Variants in XPOT observed in about 807,000 individuals in gnomAD.
XPOT encodes the protein exportin-T.
In XPOT, 34 loss-of-function variants were observed where a neutral mutation model predicts 128.2. That is an observed-to-expected ratio of 0.27 (90% CI 0.20 to 0.35). The LOEUF is 0.35. Among genes scored for constraint, XPOT ranks in the 10% least tolerant of loss-of-function variants. The probability of loss-of-function intolerance (pLI) is 1.00; values close to 1 mark genes in which losing one functional copy is unlikely to be tolerated. For missense variants in XPOT, 838 were observed against 1,125.3 expected (o/e 0.74, Z 3.65); for synonymous variants, 348 against 394.3 (o/e 0.88, Z 1.39).
At chr12:64,442,357 T>C (rs2040331986) in intron 23 of XPOT, among the ~76,000 whole-genome samples, 1 of 151,978 alleles carries the variant, frequency 6.6e-6, no homozygotes, top group South Asian at 2.1e-4. Flanking sequence ...GGTCTTGAAC[T>C]CCTGACCTCA....
intron 23 of XPOT, among the ~76,000 whole-genome samples, chr12:64,444,472 C>A (rs1301920536): frequency 6.6e-6 from 1 of 152,090 alleles, no homozygotes; most frequent in East Asian, 1.9e-4. Flanking sequence ...AATATTAAGC[C>A]TGATTTATAA....
At chr12:64,430,314 A>C in intron 17 of XPOT, 27 bp downstream of exon 17, 1 of 1,518,358 alleles carries the variant, frequency 6.6e-7, no homozygotes, top group Admixed American at 2.2e-5. Context: ...TTAAAATTAT[A>C]AAGTGCATGT....
At chr12:64,446,677 A>C (rs571629755) in intron 24 of XPOT, among the ~76,000 whole-genome samples, 113 of 150,162 alleles carry the variant, frequency 7.5e-4, no homozygotes, top group Middle Eastern at 3.4e-3. Flanking sequence ...TTTTTCTTGC[A>C]GAAATGGTCT....
intron 8 of XPOT, among the ~76,000 whole-genome samples, chr12:64,421,022 G>A (rs187077443): frequency 3.2e-4 from 48 of 152,214 alleles, no homozygotes; most frequent in Non-Finnish European, 6.8e-4. Flanking sequence ...GGCTTGTCTC[G>A]AACTCTTGAC....
Position 64,431,638 on chromosome 12 carries a change from T to A in XPOT, c.2077T>A (p.Cys693Ser), listed in dbSNP as rs2040239375. ...ACAGACATTCTTGCCAGCCCTCAGT[T>A]GTCCCTTACAAAAGGATATTCTCAG... Reference protein sequence around the residue: ...CLQTFLPALSCPLQKDILRSG... With the variant: ...CLQTFLPALSSPLQKDILRSG... Residue 693 changes from cysteine to serine, a missense_variant, in exon 18 of 25, where the codon TGT becomes AGT. By Grantham distance (112) the Cys-to-Ser change is moderately radical. Transcript: ENST00000332707. The A allele has an allele frequency of 6.2e-7, 1 of 1,613,836 alleles. No individual in the cohort carries two copies. The highest frequency in any genetic ancestry group is 1.1e-5 in the South Asian group (1 of 91,084).
chr12:64,444,667 T>C (rs1198836862), intron 23 of XPOT, among the ~76,000 whole-genome samples: 2 of 152,104 alleles, frequency 1.3e-5, no homozygotes. Flanking sequence ...AGTTCTTCAG[T>C]TAAGAGGCAA....
chr12:64,424,838 G>A lies in XPOT; in HGVS notation c.1307+115G>A, dbSNP rs1186081459. 6 of 1,406,110 alleles carry A rather than the reference G, an allele frequency of 4.3e-6. No individual in the cohort carries two copies. In the East Asian group the frequency reaches 6.9e-5, roughly 16 times the overall value. The allele number at this position is 1,406,110 out of a possible 1,614,324, so 87.1% of individuals were successfully genotyped here. A position where few individuals can be genotyped will look rare whatever the true frequency, so the allele number is the denominator to read the frequency against. ...TCCATGTTACTTATTGAGATCTTAT[G>A]TGTATCTCTGGAAACAATGCACTTG... On this transcript the variant is annotated intron_variant, in intron 12 of 24. Coordinates refer to ENST00000332707, the MANE Select transcript of XPOT (RefSeq NM_007235.6).
intron 23 of XPOT, among the ~76,000 whole-genome samples, chr12:64,441,716 G>A (rs956775911): frequency 1.3e-4 from 19 of 151,906 alleles, no homozygotes; most frequent in African/African-American, 4.4e-4. Flanking sequence ...ATGGAGTCTC[G>A]CTTTAGTGCC....
At chr12:64,412,895 A>G (rs1464352887) in intron 2 of XPOT, among the ~76,000 whole-genome samples, 1 of 152,176 alleles carries the variant, frequency 6.6e-6, no homozygotes, top group Non-Finnish European at 1.5e-5. Context: ...AGCCACATGG[A>G]AGCGATGCAT....
In XPOT at chr12:64,451,041, A is replaced by T. The variant is rs1592346392; in HGVS notation, c.*2910A>T. The T allele has an allele frequency of 6.6e-6, 1 of 152,232 alleles. No homozygotes were observed. The allele number at this position is 152,232 out of a possible 1,614,324, so 9.4% of individuals were successfully genotyped here. ...AAGAACTGAAATTAGTTGGAATTGT[A>T]AGCAGTGAATAGATGTGTTGTTAGA... On this transcript the variant is annotated 3_prime_UTR_variant, in exon 25 of 25. Transcript: ENST00000332707.
chr12:64,432,207 A>G (rs796750264), intron 18 of XPOT, among the ~76,000 whole-genome samples: 2 of 152,276 alleles, frequency 1.3e-5, no homozygotes, highest in African/African-American at 4.8e-5. Flanking sequence ...GCTGGCTAAT[A>G]AAAGTGGTTA....
At chr12:64,422,670 G>A (rs1208516088) in intron 9 of XPOT, among the ~76,000 whole-genome samples, 2 of 152,110 alleles carry the variant, frequency 1.3e-5, no homozygotes, top group East Asian at 3.8e-4. Context: ...AGGCTGAGGC[G>A]GGAGGATTGT....
At chr12:64,429,991 C>T in intron 16 of XPOT, 58 bp from the exon 17 acceptor site, 5 of 1,447,720 alleles carry the variant, frequency 3.5e-6, no homozygotes, top group East Asian at 2.3e-5. Flanking sequence ...CACTTTTTCT[C>T]ATTAAATGAA....
chr12:64,409,147 G>C (rs2040011777), intron 1 of XPOT, among the ~76,000 whole-genome samples: 2 of 151,942 alleles, frequency 1.3e-5, no homozygotes, highest in South Asian at 2.1e-4. Flanking sequence ...ATAGTACTTA[G>C]TAAACACTCC....
intron 15 of XPOT, 148 bp downstream of exon 15, chr12:64,426,057 C>A: frequency 4.2e-6 from 3 of 710,470 alleles, no homozygotes; most frequent in Non-Finnish European, 7.1e-6. Flanking sequence ...GTGGCTCATG[C>A]CTATAATCCC....
chr12:64,432,959 A>T (rs1007100880), intron 18 of XPOT, among the ~76,000 whole-genome samples: 12 of 152,108 alleles, frequency 7.9e-5, no homozygotes, highest in Admixed American at 7.2e-4. Context: ...CCCCACCTTG[A>T]AATGGAGTCT....
In XPOT at chr12:64,448,319, T is replaced by A; in HGVS notation, c.*188T>A. 1.7e-6 allele frequency: 1 copy of A among 600,566 alleles called. No individual in the cohort carries two copies. The highest frequency in any genetic ancestry group is 2.0e-5 in the South Asian group (1 of 49,566). The allele number at this position is 600,566 out of a possible 1,614,324, so 37.2% of individuals were successfully genotyped here. A position where few individuals can be genotyped will look rare whatever the true frequency, so the allele number is the denominator to read the frequency against. On this transcript the variant is annotated 3_prime_UTR_variant, in exon 25 of 25. Coordinates refer to ENST00000332707, the MANE Select transcript of XPOT (RefSeq NM_007235.6). ...ACAGGTATGTAACAACAAAAGAAGT[T>A]GCCTGCATGCCGGTCCAAATTGTTC...
intron 3 of XPOT, among the ~76,000 whole-genome samples, chr12:64,415,640 A>G (rs1192709926): frequency 2.0e-5 from 3 of 152,098 alleles, no homozygotes; most frequent in African/African-American, 7.2e-5. Context: ...CGGCCTTCCA[A>G]AGTGCTGGGA....
intron 1 of XPOT, among the ~76,000 whole-genome samples, chr12:64,408,617 TA>T (rs1247305464): frequency 6.6e-6 from 1 of 152,052 alleles, no homozygotes; most frequent in African/African-American, 2.4e-5. Flanking sequence ...TCTCAGAGAT[TA>T]AAAAAAATCC....
Sources: gnomAD v4.1 joint callset for allele counts (sites outside exome capture counted in the v4.1 genomes callset) on GRCh38, gnomAD v4.1.1 for gene constraint, MANE v1.5 for transcripts, NCBI Gene and HGNC (gene_info 2026-07-23, HGNC 2026-07-21) for gene names.